Variants in MOB2 observed in about 807,000 individuals in gnomAD.
MOB2 encodes the protein MOB kinase activator 2, also known as MOB2 Mps One Binder homolog.
In MOB2, 14 loss-of-function variants were observed where a neutral mutation model predicts 27.4. The observed-to-expected ratio is 0.51, with a 90% confidence interval of 0.34 to 0.80. The LOEUF (loss-of-function observed/expected upper bound fraction) is 0.80, where lower values mean the gene tolerates loss of function less well. MOB2 is among the 30% of genes least tolerant of loss of function. The probability of loss-of-function intolerance (pLI) is 0.01; values close to 1 mark genes in which losing one functional copy is unlikely to be tolerated. For missense variants in MOB2, 304 were observed against 354.6 expected, an observed-to-expected ratio of 0.86 and a Z score of 1.15; for synonymous variants, 167 against 151.8, an observed-to-expected ratio of 1.10 and a Z score of -0.74.
chr11:1,470,803 G>C (rs1026285746), intron 4 of MOB2, among the ~76,000 whole-genome samples: 2 of 137,472 alleles, frequency 1.5e-5, no homozygotes, highest in Non-Finnish European at 3.3e-5. Context: ...TCGGGCACTC[G>C]GGCCCCCGTG....
At chr11:1,471,217 C>G in intron 4 of MOB2, 78 bp downstream of exon 4, 18 of 1,519,288 alleles carry the variant, frequency 1.2e-5, no homozygotes, top group Non-Finnish European at 1.5e-5. Flanking sequence ...GGCACAGGAG[C>G]TTGGTCACTT....
intron 1 of MOB2, among the ~76,000 whole-genome samples, chr11:1,482,789 C>T (rs1011684537): frequency 6.6e-5 from 10 of 152,352 alleles, no homozygotes; most frequent in Admixed American, 4.6e-4. Context: ...CAAGGGGACG[C>T]GCAGGACATG....
chr11:1,484,194 G>A (rs1015801366), intron 1 of MOB2, among the ~76,000 whole-genome samples: 1 of 152,332 alleles, frequency 6.6e-6, no homozygotes, highest in East Asian at 1.9e-4. Flanking sequence ...AGACCCTGAG[G>A]TGAGTGGGCA....
chr11:1,486,049 G>C (rs1485424326), intron 1 of MOB2, among the ~76,000 whole-genome samples: 2 of 152,230 alleles, frequency 1.3e-5, no homozygotes, highest in Non-Finnish European at 2.9e-5. Context: ...GACAAAGACA[G>C]GCACACCTGC....
chr11:1,470,654 G>A (rs115193571), intron 4 of MOB2, among the ~76,000 whole-genome samples, 166 bp from the exon 5 acceptor site: 1 of 152,320 alleles, frequency 6.6e-6, no homozygotes, highest in African/African-American at 2.4e-5. Context: ...CCCATCAGCA[G>A]GCACCACAGG....
chr11:1,471,068 G>C (rs1847783494), intron 4 of MOB2, among the ~76,000 whole-genome samples: 2 of 152,242 alleles, frequency 1.3e-5, no homozygotes, highest in South Asian at 4.1e-4. Flanking sequence ...TGGCCCAGAG[G>C]GCCAGGGAGA....
In MOB2 at chr11:1,470,369, C is replaced by T. The variant is rs770040316; in HGVS notation, c.610G>A (p.Gly204Arg). 5.6e-6 allele frequency: 9 copies of T among 1,613,534 alleles called. No individual in the cohort carries two copies. The highest frequency in any genetic ancestry group is 7.6e-6 in the Non-Finnish European group (9 of 1,179,902). Residue 204 changes from glycine (G) to arginine (R), a missense_variant, in exon 5 of 5, where the codon GGA becomes AGA. By Grantham distance (125) the Gly-to-Arg change is moderately radical. Transcript: ENST00000329957. ...TGGACGTAGAGCGTGTTCAAGTGTC[C>T]GTGCAGCTCCAGGGCCAGCGTCTCC... ...FKETLALELH[G>R]HLNTLYVHFI...
At chr11:1,470,932 G>A (rs565343264) in intron 4 of MOB2, among the ~76,000 whole-genome samples, 1 of 152,380 alleles carries the variant, frequency 6.6e-6, no homozygotes, top group East Asian at 1.9e-4. Context: ...GTGGCGTGGA[G>A]CCCCACCACA....
intron 3 of MOB2, among the ~76,000 whole-genome samples, chr11:1,479,453 G>A (rs1468478075): frequency 6.6e-6 from 1 of 152,246 alleles, no homozygotes; most frequent in Non-Finnish European, 1.5e-5. Flanking sequence ...AGACAGTGAA[G>A]CCAGCTGTTG....
chr11:1,475,107 T>G (rs1173380905), intron 3 of MOB2, among the ~76,000 whole-genome samples: 1 of 152,246 alleles, frequency 6.6e-6, no homozygotes, highest in Non-Finnish European at 1.5e-5. Context: ...TAACAGCATT[T>G]CGTAGTTTCC....
chr11:1,475,657 C>CT (rs1401875075), intron 3 of MOB2, among the ~76,000 whole-genome samples: 1 of 152,158 alleles, frequency 6.6e-6, no homozygotes. Flanking sequence ...CAGGGGGTCC[C>CT]TTGCTGGCCT....
chr11:1,471,591 G>C, intron 3 of MOB2, 172 bp from the exon 4 acceptor site: 1 of 717,280 alleles, frequency 1.4e-6, no homozygotes, highest in Non-Finnish European at 2.3e-6. Flanking sequence ...ACTGTCTGCG[G>C]GGACCACACT....
intron 3 of MOB2, among the ~76,000 whole-genome samples, chr11:1,475,064 G>A (rs922919548): frequency 2.6e-5 from 4 of 152,320 alleles, no homozygotes; most frequent in South Asian, 2.1e-4. Context: ...AACGCAGTGC[G>A]TCTCTCCATT....
chr11:1,486,486 C>A lies in MOB2; in HGVS notation c.71G>T (p.Cys24Phe), dbSNP rs1313558014. 6 of 1,535,800 alleles carry A rather than the reference C, an allele frequency of 3.9e-6. No homozygotes were observed. Among genetic ancestry groups the A allele is most frequent in the Non-Finnish European group, 5.2e-6 (6 of 1,146,838 alleles). ...GACAGCCTGAAGCACCATTTTGCAG[C>A]AGAGTCCACTTTGCAGGGACTGGCC... ...RPGQSLQSGL[C>F]CKMVLQAVSK... Residue 24 changes from cysteine (C) to phenylalanine (F), a missense_variant, in exon 1 of 5, where the codon TGC becomes TTC. By Grantham distance (205) the Cys-to-Phe change is radical. Transcript: ENST00000329957.
intron 1 of MOB2, among the ~76,000 whole-genome samples, chr11:1,484,412 C>T (rs1312641278): frequency 6.6e-6 from 1 of 152,176 alleles, no homozygotes; most frequent in Admixed American, 6.5e-5. Context: ...CCATCTGCAC[C>T]GGGCCCCTCA....
At chr11:1,476,750 C>T (rs1412301404) in intron 3 of MOB2, among the ~76,000 whole-genome samples, 1 of 152,184 alleles carries the variant, frequency 6.6e-6, no homozygotes, top group East Asian at 1.9e-4. Flanking sequence ...CCCCTCTAGG[C>T]ACTGCTTGAG....
At position 1,469,968 on chromosome 11, in the gene MOB2, C is replaced by G; in HGVS notation, c.*204G>C. ...GGGCCCAAAGGCTCTTCTCTACAAA[C>G]GGCACGCATCCATCCGACAGGGGGC... On this transcript the variant is annotated 3_prime_UTR_variant, in exon 5 of 5. Transcript: ENST00000329957. 7.8e-7 allele frequency: 1 copy of G among 1,285,888 alleles called. No individual in the cohort carries two copies. Among genetic ancestry groups the G allele is most frequent in the Non-Finnish European group, 1.1e-6 (1 of 919,206 alleles). 79.7% of individuals were successfully genotyped at this position (1,285,888 alleles called of 1,614,324 possible).
intron 1 of MOB2, among the ~76,000 whole-genome samples, chr11:1,484,473 GA>G (rs1236667480): frequency 2.0e-5 from 3 of 152,070 alleles, no homozygotes; most frequent in African/African-American, 7.2e-5. Context: ...CCCAGAGCCT[GA>G]AAGTCAAGGC....
At chr11:1,485,334 G>A (rs936786708) in intron 1 of MOB2, among the ~76,000 whole-genome samples, 2 of 152,168 alleles carry the variant, frequency 1.3e-5, no homozygotes, top group Non-Finnish European at 2.9e-5. Flanking sequence ...TCACACCACT[G>A]ATGTCAGGCA....
Sources: gnomAD v4.1 joint callset for allele counts (sites outside exome capture counted in the v4.1 genomes callset) on GRCh38, gnomAD v4.1.1 for gene constraint, MANE v1.5 for transcripts, NCBI Gene and HGNC (gene_info 2026-07-23, HGNC 2026-07-21) for gene names.